Variants in DNAH7 observed in about 807,000 individuals in gnomAD.
The protein encoded by DNAH7 is dynein axonemal heavy chain 7.
A neutral mutation model predicts 444.6 loss-of-function variants in DNAH7; 397 were observed. That is an observed-to-expected ratio of 0.89 (90% CI 0.82 to 0.97). The LOEUF is 0.97. Ranked by LOEUF, DNAH7 falls within the 50% of genes least tolerant of loss-of-function variation. The pLI is 0.00. For missense variants in DNAH7, 4,902 were observed against 4,800.8 expected, an observed-to-expected ratio of 1.02 and a Z score of -0.62; for synonymous variants, 1,636 against 1,624.4, an observed-to-expected ratio of 1.01 and a Z score of -0.17.
chr2:196,044,141 T>C (rs1419555629), intron 5 of DNAH7, among the ~76,000 whole-genome samples: 3 of 151,490 alleles, frequency 2.0e-5, no homozygotes, highest in African/African-American at 7.3e-5. Flanking sequence ...TGTAAAAATA[T>C]GGAACCAGCC....
intron 27 of DNAH7, chr2:195,905,105 A>T (rs2125282919): frequency 6.6e-6 from 1 of 152,262 alleles, no homozygotes; most frequent in Non-Finnish European, 1.5e-5. Flanking sequence ...TGCACAGTAA[A>T]TAAAACCATG....
chr2:195,963,723 T>C (rs527472629), intron 17 of DNAH7, among the ~76,000 whole-genome samples: 9 of 152,226 alleles, frequency 5.9e-5, no homozygotes, highest in Non-Finnish European at 1.2e-4. Flanking sequence ...ATGTTTCTTG[T>C]AGTAGTTTCA....
At chr2:195,751,570 T>C (rs1693799912) in intron 63 of DNAH7, among the ~76,000 whole-genome samples, 1 of 152,152 alleles carries the variant, frequency 6.6e-6, no homozygotes, top group African/African-American at 2.4e-5. Flanking sequence ...ACTGATGCTT[T>C]GAAGTTAATA....
intron 61 of DNAH7, among the ~76,000 whole-genome samples, chr2:195,760,410 C>A (rs975906750): frequency 6.6e-6 from 1 of 152,110 alleles, no homozygotes; most frequent in Non-Finnish European, 1.5e-5. Flanking sequence ...TGTAGAGCCC[C>A]AGGGCCTTGA....
chr2:195,815,924 C>T lies in DNAH7; in HGVS notation c.9761+704G>A, dbSNP rs149593362. ...AGGAGAATGGTGTGAACCCGGGAGG[C>T]GGAGTTTGCGTGAGCCGAGATTGCG... On this transcript the variant is annotated intron_variant, in intron 51 of 64. Coordinates refer to ENST00000312428, the MANE Select transcript of DNAH7 (RefSeq NM_018897.3). Among the ~76,000 whole-genome samples the T allele has an allele frequency of 2.4e-3, 365 of 152,226 alleles. 2 individuals are homozygous for T. The highest frequency in any genetic ancestry group is 8.3e-3 in the African/African-American group (346 of 41,542).
At chr2:195,777,243 G>A (rs1695106291) in intron 59 of DNAH7, among the ~76,000 whole-genome samples, 1 of 152,196 alleles carries the variant, frequency 6.6e-6, no homozygotes, top group African/African-American at 2.4e-5. Flanking sequence ...GGACAGGACT[G>A]GAGAAGAGCA....
At chr2:195,900,516 CT>C in intron 27 of DNAH7, 22 bp from the exon 28 acceptor site, 1 of 1,602,596 alleles carries the variant, frequency 6.2e-7, no homozygotes, top group Non-Finnish European at 8.5e-7. Flanking sequence ...TAGAAAGTTA[CT>C]TTTAAAAGGA....
At chr2:195,897,786 T>A in intron 28 of DNAH7, 21 bp from the exon 29 acceptor site, 24 of 1,052,216 alleles carry the variant, frequency 2.3e-5, no homozygotes, top group Non-Finnish European at 3.0e-5. Context: ...AAAAAAAAAC[T>A]CATGAGGATA....
chr2:195,973,709 T>C (rs1409473493), intron 15 of DNAH7, among the ~76,000 whole-genome samples: 1 of 152,082 alleles, frequency 6.6e-6, no homozygotes, highest in Non-Finnish European at 1.5e-5. Context: ...TAATCTCAGG[T>C]GATCCGCCCA....
intron 63 of DNAH7, among the ~76,000 whole-genome samples, chr2:195,743,682 A>G (rs1450159850): frequency 6.6e-6 from 1 of 152,212 alleles, no homozygotes; most frequent in Non-Finnish European, 1.5e-5. Flanking sequence ...AAACCCATTT[A>G]TCTAAATCAT....
chr2:195,913,802 G>A (rs749019736), intron 24 of DNAH7, among the ~76,000 whole-genome samples: 4 of 152,080 alleles, frequency 2.6e-5, no homozygotes, highest in Non-Finnish European at 5.9e-5. Context: ...GCAACCCTCC[G>A]CCTCCCGGGT....
At chr2:196,024,909 T>G (rs1318817174) in intron 7 of DNAH7, among the ~76,000 whole-genome samples, 2 of 149,708 alleles carry the variant, frequency 1.3e-5, no homozygotes, top group African/African-American at 4.9e-5. Context: ...AGGTTCTGCA[T>G]CCATGGATTC....
intron 54 of DNAH7, among the ~76,000 whole-genome samples, chr2:195,803,468 G>A (rs1377811893): frequency 6.6e-6 from 1 of 152,200 alleles, no homozygotes; most frequent in African/African-American, 2.4e-5. Context: ...AACTTAACTT[G>A]CTCCCAAGAC....
chr2:195,742,887 T>C (rs1693128199), intron 63 of DNAH7, among the ~76,000 whole-genome samples: 1 of 152,204 alleles, frequency 6.6e-6, no homozygotes. Context: ...CTTGATTGGG[T>C]TGAAGTATGC....
At chr2:195,995,201 T>A in intron 12 of DNAH7, 1 of 370,544 alleles carries the variant, frequency 2.7e-6, no homozygotes, top group Non-Finnish European at 5.2e-6. Flanking sequence ...GTGCTGGGAT[T>A]ACAGGCATGA....
intron 49 of DNAH7, among the ~76,000 whole-genome samples, chr2:195,819,773 T>C (rs1697373348): frequency 1.3e-5 from 2 of 152,246 alleles, no homozygotes; most frequent in South Asian, 4.1e-4. Flanking sequence ...CAGCAGTTAG[T>C]CAAGAGAAAG....
At chr2:195,865,970 C>G (rs1473685868) in intron 40 of DNAH7, among the ~76,000 whole-genome samples, 1 of 152,114 alleles carries the variant, frequency 6.6e-6, no homozygotes, top group East Asian at 1.9e-4. Flanking sequence ...CTTTAGCAAG[C>G]CAGCGTGAGA....
At chr2:195,838,098 G>A (rs557532108) in intron 47 of DNAH7, among the ~76,000 whole-genome samples, 3 of 152,266 alleles carry the variant, frequency 2.0e-5, no homozygotes, top group Admixed American at 1.3e-4. Context: ...TTTAACTCCT[G>A]AGTAATGAAT....
chr2:195,860,819 G>A (rs191479985), intron 42 of DNAH7, among the ~76,000 whole-genome samples: 9 of 152,054 alleles, frequency 5.9e-5, no homozygotes, highest in African/African-American at 1.2e-4. Flanking sequence ...TGTTCAATTC[G>A]TGGATCAGGC....
Sources: gnomAD v4.1 joint callset for allele counts (sites outside exome capture counted in the v4.1 genomes callset) on GRCh38, gnomAD v4.1.1 for gene constraint, MANE v1.5 for transcripts, NCBI Gene and HGNC (gene_info 2026-07-23, HGNC 2026-07-21) for gene names.